The following UBE4B variants were observed in gnomAD, a reference collection of about 807,000 sequenced individuals.
UBE4B encodes ubiquitin conjugation factor E4 B.
A neutral mutation model predicts 148.1 loss-of-function variants in UBE4B; 27 were observed. The observed-to-expected ratio is 0.18, with a 90% CI of 0.13 to 0.25. The LOEUF (loss-of-function observed/expected upper bound fraction) is 0.25, where lower values mean the gene tolerates loss of function less well. UBE4B is among the 10% of genes least tolerant of loss of function. UBE4B has a pLI of 1.00. For synonymous variants in UBE4B, 596 were observed against 619.3 expected (o/e 0.96, Z 0.56); for missense variants, 1,170 against 1,662.4 (o/e 0.70, Z 5.15).
Position 10,117,460 on chromosome 1 carries a change from T to C in UBE4B, c.1198T>C (p.Leu400=). The C allele has an allele frequency of 6.2e-7, 1 of 1,606,798 alleles. No individual in the cohort carries two copies. Among genetic ancestry groups the C allele is most frequent in the Non-Finnish European group, 8.5e-7 (1 of 1,178,288 alleles). The change falls in exon 8 of 28, where the codon TTG becomes CTG. Residue 400 remains leucine (L), a splice_region_variant and synonymous_variant. Coordinates refer to ENST00000343090, the MANE Select transcript of UBE4B (RefSeq NM_001105562.3). The stretch of plus-strand genomic sequence containing the variant: ...AATTTCTTCTTGTCTTCTCTGAAGT[T>C]TGGGAGCCTCTGGTGGAGCAAGTAA... ...RPSSLRISPS[L]GASGGASNWD...
intron 25 of UBE4B, among the ~76,000 whole-genome samples, chr1:10,175,111 G>T (rs1333653091): frequency 6.6e-6 from 1 of 152,134 alleles, no homozygotes; most frequent in African/African-American, 2.4e-5. Flanking sequence ...AGGTGCCTGG[G>T]TGAAGAGCCA....
chr1:10,095,094 C>T (rs922488846), intron 2 of UBE4B, among the ~76,000 whole-genome samples: 1 of 152,168 alleles, frequency 6.6e-6, no homozygotes, highest in South Asian at 2.1e-4. Context: ...ATTAATATAT[C>T]TTCTTTTGGG....
At chr1:10,054,637 G>T in intron 1 of UBE4B, 1 of 259,758 alleles carries the variant, frequency 3.8e-6, no homozygotes, top group South Asian at 4.8e-5. Flanking sequence ...CTCTTGGCAA[G>T]ACTGTTGCCA....
At chr1:10,141,376 G>T (rs1337705493) in intron 17 of UBE4B, among the ~76,000 whole-genome samples, 2 of 152,082 alleles carry the variant, frequency 1.3e-5, no homozygotes, top group Non-Finnish European at 2.9e-5. Context: ...GGGAAGCAGA[G>T]GTTGGAGTGG....
At chr1:10,094,668 T>C (rs1644902461) in intron 2 of UBE4B, among the ~76,000 whole-genome samples, 1 of 152,084 alleles carries the variant, frequency 6.6e-6, no homozygotes, top group South Asian at 2.1e-4. Context: ...TCTCCTGACC[T>C]TGTGATTCAC....
chr1:10,079,319 C>T (rs545622851), intron 2 of UBE4B, among the ~76,000 whole-genome samples: 160 of 152,058 alleles, frequency 1.1e-3, no homozygotes, highest in African/African-American at 3.1e-3. Flanking sequence ...CCACCACGCC[C>T]GGCTAATTTT....
intron 2 of UBE4B, among the ~76,000 whole-genome samples, chr1:10,089,448 G>A (rs975547485): frequency 6.6e-6 from 1 of 150,934 alleles, no homozygotes; most frequent in Non-Finnish European, 1.5e-5. Context: ...AGGCTGCCTT[G>A]AACTATCATC....
intron 6 of UBE4B, 42 bp downstream of exon 6, chr1:10,105,786 A>C: frequency 6.4e-7 from 1 of 1,569,796 alleles, no homozygotes; most frequent in Non-Finnish European, 8.7e-7. Flanking sequence ...GTAGTAAAAT[A>C]ACTGTGAACT....
chr1:10,103,185 C>T, intron 5 of UBE4B, 93 bp downstream of exon 5: 1 of 1,361,598 alleles, frequency 7.3e-7, no homozygotes, highest in Non-Finnish European at 9.9e-7. Flanking sequence ...TTCACTCCAT[C>T]TTGCTCTTGG....
chr1:10,062,745 T>C (rs1361727947), intron 1 of UBE4B, among the ~76,000 whole-genome samples: 2 of 152,004 alleles, frequency 1.3e-5, no homozygotes, highest in Non-Finnish European at 2.9e-5. Context: ...TCACCTGAGG[T>C]CAGGAGTTCA....
intron 3 of UBE4B, among the ~76,000 whole-genome samples, chr1:10,097,638 C>T (rs1051810385): frequency 6.6e-6 from 1 of 152,010 alleles, no homozygotes; most frequent in Admixed American, 6.6e-5. Flanking sequence ...GTTGAAACCC[C>T]GTATCTACTA....
At chr1:10,120,572 C>T (rs114399015) in intron 9 of UBE4B, among the ~76,000 whole-genome samples, 2,634 of 152,118 alleles carry the variant, frequency 0.017, 76 homozygotes, top group African/African-American at 0.06. Flanking sequence ...AGGCCAGGCT[C>T]ATGCCTGTAA....
chr1:10,060,104 A>G (rs1485433218), intron 1 of UBE4B, among the ~76,000 whole-genome samples: 1 of 151,930 alleles, frequency 6.6e-6, no homozygotes, highest in Non-Finnish European at 1.5e-5. Context: ...GGGTTGGGAA[A>G]GGTTGGGGGT....
intron 20 of UBE4B, 89 bp from the exon 21 acceptor site, chr1:10,151,237 C>T (rs1228498634): frequency 8.3e-7 from 1 of 1,207,578 alleles, no homozygotes; most frequent in African/African-American, 1.5e-5. Flanking sequence ...GCCTTCCCCT[C>T]CTCACTTACT....
At chr1:10,134,573 A>G (rs1413579744) in intron 15 of UBE4B, among the ~76,000 whole-genome samples, 2 of 152,124 alleles carry the variant, frequency 1.3e-5, no homozygotes, top group Non-Finnish European at 1.5e-5. Context: ...TAATAATTAT[A>G]TAATAGGCGG....
At chr1:10,173,429 C>T (rs901855260) in intron 25 of UBE4B, among the ~76,000 whole-genome samples, 71 of 149,514 alleles carry the variant, frequency 4.7e-4, no homozygotes, top group Non-Finnish European at 8.9e-4. Flanking sequence ...TTGCAGTGAG[C>T]GGAGATCGAG....
At position 10,104,009 on chromosome 1, in the gene UBE4B, C is replaced by T. The variant is rs894686650; in HGVS notation, c.580+917C>T. Among the ~76,000 whole-genome samples the T allele has an allele frequency of 1.1e-4, 16 of 151,892 alleles. 1 individual carries two copies. The highest frequency in any genetic ancestry group is 3.9e-4 in the African/African-American group (16 of 41,372). ...TCTCTTGACCTCGTGATCTGCCTGC[C>T]TCGGCCTCCCAAAGTGCTGGGATTA... On this transcript the variant is annotated intron_variant, in intron 5 of 27. Coordinates refer to ENST00000343090, the MANE Select transcript of UBE4B (RefSeq NM_001105562.3).
chr1:10,130,657 C>T (rs759992208), intron 13 of UBE4B, 41 bp downstream of exon 13: 30 of 1,612,248 alleles, frequency 1.9e-5, no homozygotes, highest in Non-Finnish European at 2.5e-5. Context: ...CCCTTTTATT[C>T]AGATTCTTTC....
At chr1:10,100,400 G>A (rs375806737) in intron 3 of UBE4B, among the ~76,000 whole-genome samples, 36 of 152,154 alleles carry the variant, frequency 2.4e-4, no homozygotes, top group Middle Eastern at 3.4e-3. Context: ...CAGTAATAGT[G>A]CATACAGCCT....
Sources: allele counts gnomAD v4.1 joint callset (sites outside exome capture counted in the v4.1 genomes callset), GRCh38; gene constraint gnomAD v4.1.1; transcripts MANE v1.5; gene names NCBI Gene and HGNC (gene_info 2026-07-23, HGNC 2026-07-21).